Variants in CNIH3 observed in about 807,000 individuals in gnomAD.
The protein encoded by CNIH3 is cornichon family AMPA receptor auxiliary protein 3.
In CNIH3, 14 loss-of-function variants were observed where a neutral mutation model predicts 24.1. The observed-to-expected ratio is 0.58, with a 90% confidence interval of 0.38 to 0.91. The LOEUF (loss-of-function observed/expected upper bound fraction) is 0.91. Among genes scored for constraint, CNIH3 ranks in the 40% least tolerant of loss-of-function variants. The pLI is 0.00. For synonymous variants in CNIH3, 68 were observed against 73.8 expected (o/e 0.92, Z 0.40); for missense variants, 178 against 196.8 (o/e 0.90, Z 0.57).
chr1:224,496,815 A>G lies in CNIH3; in HGVS notation n.204-18926A>G, dbSNP rs114176773. 6.8e-3 allele frequency among the ~76,000 whole-genome samples: 1,041 copies of G among 152,348 alleles called. 5 individuals carry two copies. The highest frequency in any genetic ancestry group is 0.011 in the Non-Finnish European group (731 of 68,028). On this transcript the variant is annotated intron_variant and non_coding_transcript_variant, in intron 1 of 5. Transcript: ENST00000471578. ...AATACCTTGTAATGAATGCAATACC[A>G]TAGCTGATACTCATTTCTTTTAGAC...
intron 1 of CNIH3, among the ~76,000 whole-genome samples, chr1:224,484,870 C>CT (rs1676966033): frequency 6.6e-6 from 1 of 152,114 alleles, no homozygotes; most frequent in Non-Finnish European, 1.5e-5. Context: ...ATTTACTTAA[C>CT]TTTTGAACAT....
chr1:224,626,223 T>A (rs2125071479), intron 1 of CNIH3, among the ~76,000 whole-genome samples: 1 of 152,318 alleles, frequency 6.6e-6, no homozygotes, highest in Non-Finnish European at 1.5e-5. Context: ...GGGTTGGAAG[T>A]GGTTGCTGTT....
At chr1:224,542,941 G>A (rs147000017) in intron 2 of CNIH3, among the ~76,000 whole-genome samples, 205 of 152,290 alleles carry the variant, frequency 1.3e-3, no homozygotes, top group African/African-American at 4.5e-3. Flanking sequence ...TATCCATGGT[G>A]GGTCCTGATT....
intron 3 of CNIH3, among the ~76,000 whole-genome samples, chr1:224,692,838 G>A (rs967579741): frequency 2.6e-5 from 4 of 152,086 alleles, no homozygotes; most frequent in South Asian, 2.1e-4. Context: ...GCTTCTTTTC[G>A]AAACATGCTC....
chr1:224,652,204 C>G (rs1684889922), intron 1 of CNIH3, among the ~76,000 whole-genome samples: 1 of 152,156 alleles, frequency 6.6e-6, no homozygotes, highest in Middle Eastern at 3.4e-3. Flanking sequence ...ACCCTTCTTT[C>G]CTGTGTGCTG....
chr1:224,677,333 A>G (rs1686187375), intron 1 of CNIH3, among the ~76,000 whole-genome samples: 1 of 152,184 alleles, frequency 6.6e-6, no homozygotes, highest in Non-Finnish European at 1.5e-5. Context: ...CTTCCCCTCT[A>G]GACTAGGAAG....
intron 3 of CNIH3, among the ~76,000 whole-genome samples, chr1:224,609,789 G>A (rs1183422741): frequency 6.6e-6 from 1 of 152,116 alleles, no homozygotes; most frequent in African/African-American, 2.4e-5. Context: ...TCCCCTTTAC[G>A]CTTTGACCAT....
At chr1:224,737,682 A>G (rs1572846399) in intron 5 of CNIH3, among the ~76,000 whole-genome samples, 1 of 152,284 alleles carries the variant, frequency 6.6e-6, no homozygotes, top group Non-Finnish European at 1.5e-5. Context: ...CGGGGTTGAT[A>G]GTTTATAGTT....
At chr1:224,549,542 A>G (rs1314573134) in intron 3 of CNIH3, among the ~76,000 whole-genome samples, 2 of 152,110 alleles carry the variant, frequency 1.3e-5, no homozygotes, top group Non-Finnish European at 2.9e-5. Context: ...CACACACTAA[A>G]TGTTACAGAC....
chr1:224,564,473 T>G (rs1167767703), intron 3 of CNIH3, among the ~76,000 whole-genome samples: 2 of 152,254 alleles, frequency 1.3e-5, no homozygotes, highest in Non-Finnish European at 2.9e-5. Context: ...CAAATCGTAC[T>G]ATGAAGTCTC....
intron 5 of CNIH3, among the ~76,000 whole-genome samples, chr1:224,738,718 C>G (rs1029252952): frequency 6.6e-6 from 1 of 152,146 alleles, no homozygotes; most frequent in Non-Finnish European, 1.5e-5. Flanking sequence ...TCACCCCACT[C>G]TTAGTAGTAT....
intron 5 of CNIH3, chr1:224,588,240 C>T (rs1053121750): frequency 4.6e-5 from 7 of 152,220 alleles, no homozygotes; most frequent in African/African-American, 9.6e-5. Context: ...TTCTAACACA[C>T]GGTGTCATCT....
At chr1:224,622,516 A>G (rs917586558) in intron 1 of CNIH3, among the ~76,000 whole-genome samples, 6 of 152,220 alleles carry the variant, frequency 3.9e-5, no homozygotes, top group African/African-American at 1.4e-4. Flanking sequence ...TTACGTCATC[A>G]TTGTATTTCC....
At chr1:224,538,709 G>A (rs536186736), downstream of CNIH3, among the ~76,000 whole-genome samples, 1 of 150,872 alleles carries the variant, frequency 6.6e-6, no homozygotes, top group East Asian at 1.9e-4. Context: ...GCCCAGCCCG[G>A]AATGTAGTGG....
At chr1:224,659,057 A>G (rs1277697579) in intron 1 of CNIH3, among the ~76,000 whole-genome samples, 3 of 152,190 alleles carry the variant, frequency 2.0e-5, no homozygotes, top group Non-Finnish European at 2.9e-5. Flanking sequence ...AGACTGAACT[A>G]ATTTTACTCC....
rs563979773 is a variant in CNIH3, at chr1:224,734,723, C to G, written c.455+17C>G. ...CCTTTACTGGTGAGTATCTGCCCCTCCTGGTGGTTTTGACTCCTGCAGCAA... is the reference window on the plus strand; with the variant it reads ...CCTTTACTGGTGAGTATCTGCCCCTGCTGGTGGTTTTGACTCCTGCAGCAA... On this transcript the variant is annotated intron_variant, in intron 5 of 5. Transcript: ENST00000272133. 6.8e-6 allele frequency: 11 copies of G among 1,612,818 alleles called. No homozygotes were observed. The highest frequency in any genetic ancestry group is 2.2e-5 in the East Asian group (1 of 44,814).
chr1:224,647,945 A>T (rs994186267), intron 1 of CNIH3, among the ~76,000 whole-genome samples: 1 of 152,188 alleles, frequency 6.6e-6, no homozygotes, highest in Non-Finnish European at 1.5e-5. Context: ...ATCTTAGGGT[A>T]CTGGTTACGG....
chr1:224,574,451 G>A, intron 4 of CNIH3: 3 of 632,410 alleles, frequency 4.7e-6, no homozygotes, highest in Non-Finnish European at 8.6e-6. Flanking sequence ...GCCACATTGT[G>A]CTCAACAATG....
intron 1 of CNIH3, among the ~76,000 whole-genome samples, chr1:224,447,996 C>G (rs1675234564): frequency 6.6e-6 from 1 of 152,192 alleles, no homozygotes. Context: ...CCAACCTAAG[C>G]TGGCAGTCAC....
Sources: gnomAD v4.1 joint callset for allele counts (sites outside exome capture counted in the v4.1 genomes callset) on GRCh38, gnomAD v4.1.1 for gene constraint, MANE v1.5 for transcripts, NCBI Gene and HGNC (gene_info 2026-07-23, HGNC 2026-07-21) for gene names.